The following SLIT1 variants were observed in gnomAD, a reference collection of about 807,000 sequenced individuals.
The protein encoded by SLIT1 is slit homolog 1 protein.
In SLIT1, 66 loss-of-function variants were observed where a neutral mutation model predicts 186.1. That is an observed-to-expected ratio of 0.35 (90% CI 0.29 to 0.44). The LOEUF (loss-of-function observed/expected upper bound fraction) is 0.44, where lower values mean the gene tolerates loss of function less well. Among genes scored for constraint, SLIT1 ranks in the 20% least tolerant of loss-of-function variants. The pLI, the probability that SLIT1 is intolerant of heterozygous loss-of-function variation, is 1.00. For missense variants in SLIT1, 1,638 were observed against 2,037.4 expected (o/e 0.80, Z 3.77); for synonymous variants, 761 against 833.8 (o/e 0.91, Z 1.50).
At chr10:97,135,669 C>T (rs1176881600) in intron 4 of SLIT1, among the ~76,000 whole-genome samples, 3 of 152,306 alleles carry the variant, frequency 2.0e-5, no homozygotes, top group African/African-American at 7.2e-5. Context: ...CCTCAGGGCA[C>T]TCTGACTGGA....
chr10:97,079,478 C>T (rs1849082196), intron 4 of SLIT1, among the ~76,000 whole-genome samples: 2 of 152,230 alleles, frequency 1.3e-5, no homozygotes, highest in African/African-American at 2.4e-5. Flanking sequence ...CTGATTCCAG[C>T]ACCTGGTGCT....
intron 4 of SLIT1, among the ~76,000 whole-genome samples, chr10:97,074,156 G>A (rs1028243795): frequency 2.6e-5 from 4 of 152,086 alleles, no homozygotes; most frequent in Non-Finnish European, 5.9e-5. Flanking sequence ...TCTGGTGAAC[G>A]TCCATCTCCC....
chr10:97,056,174 A>T (rs1320845191), intron 13 of SLIT1, 147 bp downstream of exon 13: 1 of 811,186 alleles, frequency 1.2e-6, no homozygotes, highest in Non-Finnish European at 1.9e-6. Context: ...GGACGGTCTA[A>T]CCCAGGTCTG....
intron 4 of SLIT1, among the ~76,000 whole-genome samples, chr10:97,110,224 G>A (rs1426211912): frequency 2.0e-5 from 3 of 152,120 alleles, no homozygotes; most frequent in African/African-American, 4.8e-5. Context: ...AAACAGTTCC[G>A]ATGACAGAGC....
At chr10:97,173,276 T>TG (rs1850214504) in intron 1 of SLIT1, among the ~76,000 whole-genome samples, 1 of 152,174 alleles carries the variant, frequency 6.6e-6, no homozygotes, top group South Asian at 2.1e-4. Context: ...GTCCCTTCCA[T>TG]GGGGCAGCAC....
At chr10:97,064,098 C>T (rs896367321) in intron 7 of SLIT1, 70 bp downstream of exon 7, 37 of 1,306,034 alleles carry the variant, frequency 2.8e-5, no homozygotes, top group Non-Finnish European at 3.8e-5. Flanking sequence ...ACCTTCACCT[C>T]CTGCCCCACC....
Position 97,118,896 on chromosome 10 carries a change from T to A in SLIT1, c.413+38922A>T, listed in dbSNP as rs1016831097. The stretch of plus-strand genomic sequence containing the variant: ...GATATAGTAAGTGCCCAATAAATTA[T>A]AGCTAAAAAACAAAAGGCATACACA... On this transcript the variant is annotated intron_variant, in intron 4 of 36. Coordinates refer to ENST00000266058, the MANE Select transcript of SLIT1 (RefSeq NM_003061.3). Among the ~76,000 whole-genome samples the A allele has an allele frequency of 5.3e-5, 8 of 152,320 alleles. No individual in the cohort carries two copies. The South Asian group carries it at 1.7e-3, about 32-fold the overall frequency.
chr10:97,086,022 C>T (rs1849155726), intron 4 of SLIT1, among the ~76,000 whole-genome samples: 1 of 152,220 alleles, frequency 6.6e-6, no homozygotes, highest in Non-Finnish European at 1.5e-5. Context: ...TGAAATGGTA[C>T]AGCCACTTCA....
chr10:97,045,084 TG>T (rs1848723155), intron 18 of SLIT1, among the ~76,000 whole-genome samples: 1 of 152,228 alleles, frequency 6.6e-6, no homozygotes, highest in East Asian at 1.9e-4. Context: ...AACCCATCCA[TG>T]CTGGCACCCT....
At chr10:97,182,437 A>T (rs1271626620) in intron 1 of SLIT1, among the ~76,000 whole-genome samples, 1 of 152,230 alleles carries the variant, frequency 6.6e-6, no homozygotes, top group Admixed American at 6.5e-5. Flanking sequence ...GATTAGAGAG[A>T]GCATTTGCCA....
intron 1 of SLIT1, 128 bp downstream of exon 1, chr10:97,185,350 G>T: frequency 1.1e-6 from 1 of 890,982 alleles, no homozygotes; most frequent in Non-Finnish European, 1.7e-6. Flanking sequence ...GGCAGGCACT[G>T]ACCCGTCTGT....
At position 97,043,715 on chromosome 10, in the gene SLIT1, G is replaced by C. The variant is rs895348231; in HGVS notation, c.1854-202C>G. On this transcript the variant is annotated intron_variant, in intron 18 of 36. Transcript: ENST00000266058. The surrounding 1 kb of genome is among the most constrained non-coding windows in gnomAD (Gnocchi z 7.0). ...CTGTGCCCACTCCAGACCCGCCCCC[G>C]CCTCTGAGAAGCCTCGAGGCTCTGT... 6.6e-6 allele frequency among the ~76,000 whole-genome samples: 1 copy of C among 152,020 alleles called. No homozygotes were observed. The highest frequency in any genetic ancestry group is 2.4e-5 in the African/African-American group (1 of 41,394).
chr10:97,105,988 C>G (rs1849410193), intron 4 of SLIT1, among the ~76,000 whole-genome samples: 2 of 152,240 alleles, frequency 1.3e-5, no homozygotes, highest in Admixed American at 1.3e-4. Flanking sequence ...AGATGGTACC[C>G]ATGGTGGGCA....
chr10:97,011,356 G>A (rs938263686), intron 30 of SLIT1, among the ~76,000 whole-genome samples: 2 of 152,178 alleles, frequency 1.3e-5, no homozygotes, highest in African/African-American at 4.8e-5. Flanking sequence ...ATGTGGACTT[G>A]AGGTAGGGGC....
At chr10:97,170,248 G>C (rs1023695098) in intron 1 of SLIT1, among the ~76,000 whole-genome samples, 1 of 152,234 alleles carries the variant, frequency 6.6e-6, no homozygotes, top group Non-Finnish European at 1.5e-5. Context: ...ATGTAAGTTA[G>C]CTTTTCTGTG....
intron 4 of SLIT1, among the ~76,000 whole-genome samples, chr10:97,137,042 G>A (rs1849710079): frequency 6.6e-6 from 1 of 152,172 alleles, no homozygotes; most frequent in Non-Finnish European, 1.5e-5. Flanking sequence ...CACCAAGCAG[G>A]CCTGCAGTGA....
intron 3 of SLIT1, among the ~76,000 whole-genome samples, chr10:97,162,997 C>T (rs972760667): frequency 6.6e-6 from 1 of 152,244 alleles, no homozygotes; most frequent in Non-Finnish European, 1.5e-5. Flanking sequence ...CGGGGCTTCC[C>T]TGACAGGTTC....
chr10:97,169,509 G>A (rs1158973203), intron 1 of SLIT1, among the ~76,000 whole-genome samples: 2 of 152,216 alleles, frequency 1.3e-5, no homozygotes, highest in East Asian at 1.9e-4. Flanking sequence ...TCCAACAGGA[G>A]GTCCTCAATG....
chr10:97,183,950 C>G, intron 1 of SLIT1, among the ~76,000 whole-genome samples: 1 of 151,818 alleles, frequency 6.6e-6, no homozygotes. Flanking sequence ...CCCACAGAAA[C>G]TCAGTTTGGT....
Sources: gnomAD v4.1 joint callset for allele counts (sites outside exome capture counted in the v4.1 genomes callset) on GRCh38, gnomAD v4.1.1 for gene constraint, Gnocchi (gnomAD v3.1) non-coding constraint, MANE v1.5 for transcripts, NCBI Gene and HGNC (gene_info 2026-07-23, HGNC 2026-07-21) for gene names.